The following DPPA3 variants were observed in gnomAD, a reference collection of about 807,000 sequenced individuals.
DPPA3 encodes the protein developmental pluripotency associated 3.
In DPPA3, 9 loss-of-function variants were observed where a neutral mutation model predicts 15.6. The observed-to-expected ratio is 0.58, with a 90% CI of 0.35 to 1.01. DPPA3 has a LOEUF of 1.01. DPPA3 is among the 50% of genes least tolerant of loss of function. DPPA3 has a pLI of 0.02. For synonymous variants in DPPA3, 61 were observed against 70.9 expected, an observed-to-expected ratio of 0.86 and a Z score of 0.70; for missense variants, 148 against 194.6, an observed-to-expected ratio of 0.76 and a Z score of 1.42.
intron 1 of DPPA3, 58 bp from the exon 2 acceptor site, chr12:7,715,125 T>C (rs1864383211): frequency 1.9e-6 from 3 of 1,609,890 alleles, no homozygotes; most frequent in Admixed American, 3.3e-5. Context: ...GCAGACCTAG[T>C]TGATGTGTGA....
At position 7,712,941 on chromosome 12, in the gene DPPA3, G is replaced by A. The variant is rs112789787; in HGVS notation, c.82+1289G>A. On this transcript the variant is annotated intron_variant, in intron 1 of 3. Transcript: ENST00000345088. The stretch of plus-strand genomic sequence containing the variant: ...AATAAACAGACTAACAGCTTCACTG[G>A]GAAAATGGAAGGGAGAGGCCGTAAA... Among the ~76,000 whole-genome samples, 513 of 152,256 alleles carry A rather than the reference G, an allele frequency of 3.4e-3. 3 individuals carry two copies. Among genetic ancestry groups the A allele is most frequent in the African/African-American group, 0.012 (478 of 41,552 alleles).
At chr12:7,716,058 G>A in intron 2 of DPPA3, 140 bp from the exon 3 acceptor site, 2 of 721,014 alleles carry the variant, frequency 2.8e-6, no homozygotes, top group East Asian at 2.8e-5. Flanking sequence ...AGCCATGATT[G>A]CTCCACTGCA....
chr12:7,713,875 G>A (rs1462721064), intron 1 of DPPA3, among the ~76,000 whole-genome samples: 1 of 152,228 alleles, frequency 6.6e-6, no homozygotes, highest in East Asian at 1.9e-4. Context: ...TCAGGGCAGC[G>A]TGTGGGACAC....
chr12:7,714,804 C>T (rs1864380309), intron 1 of DPPA3, among the ~76,000 whole-genome samples: 1 of 152,092 alleles, frequency 6.6e-6, no homozygotes, highest in Non-Finnish European at 1.5e-5. Flanking sequence ...GCTCCACCTC[C>T]TGGGTTCACA....
intron 3 of DPPA3, among the ~76,000 whole-genome samples, chr12:7,716,646 A>G (rs1278394200): frequency 2.0e-5 from 3 of 152,188 alleles, no homozygotes; most frequent in Non-Finnish European, 4.4e-5. Context: ...AGCACTGTAT[A>G]GTAAGAGGAC....
chr12:7,711,719 T>C, intron 1 of DPPA3, 67 bp downstream of exon 1: 1 of 300,228 alleles, frequency 3.3e-6, no homozygotes, highest in South Asian at 5.8e-5. Flanking sequence ...AAGGCTGCCG[T>C]CTTTTTTTTT....
chr12:7,714,910 T>G (rs1190683945), intron 1 of DPPA3, among the ~76,000 whole-genome samples: 1 of 152,004 alleles, frequency 6.6e-6, no homozygotes, highest in African/African-American at 2.4e-5. Context: ...AGAGGGGGTT[T>G]CACCGTATTA....
chr12:7,711,433 G>T lies in DPPA3; in HGVS notation c.-138G>T. 1.6e-6 allele frequency: 1 copy of T among 644,176 alleles called. No homozygotes were observed. The highest frequency in any genetic ancestry group is 3.3e-5 in the Admixed American group (1 of 30,170). The allele number at this position is 644,176 out of a possible 1,614,324, so 39.9% of individuals were successfully genotyped here. The stretch of plus-strand genomic sequence containing the variant: ...AAAGGAAGCCGGACCTATAGTTTAC[G>T]TCAGTTCTTTGACCATTCGTTGGAG... On this transcript the variant is annotated 5_prime_UTR_variant, in exon 1 of 4. Coordinates refer to ENST00000345088, the MANE Select transcript of DPPA3 (RefSeq NM_199286.4).
At chr12:7,715,632 C>G (rs1035463369) in intron 2 of DPPA3, among the ~76,000 whole-genome samples, 1 of 151,914 alleles carries the variant, frequency 6.6e-6, no homozygotes, top group East Asian at 1.9e-4. Flanking sequence ...CCTGTCTCTA[C>G]TAAAAATACA....
In DPPA3 at chr12:7,711,472, C is replaced by A; in HGVS notation, c.-99C>A. On this transcript the variant is annotated 5_prime_UTR_variant, in exon 1 of 4. Coordinates refer to ENST00000345088, the MANE Select transcript of DPPA3 (RefSeq NM_199286.4). ...CATTCGTTGGAGCTCCGGTTTTCAG[C>A]CTCTTTCCGGGCTACCTGGTAGCAA... 1.8e-6 allele frequency: 2 copies of A among 1,105,632 alleles called. No homozygotes were observed. The highest frequency in any genetic ancestry group is 2.6e-6 in the Non-Finnish European group (2 of 781,554). The allele number at this position is 1,105,632 out of a possible 1,614,324, so 68.5% of individuals were successfully genotyped here.
At chr12:7,712,835 C>T (rs1864359479) in intron 1 of DPPA3, among the ~76,000 whole-genome samples, 1 of 152,194 alleles carries the variant, frequency 6.6e-6, no homozygotes, top group Non-Finnish European at 1.5e-5. Context: ...CATCCTCTTG[C>T]GTAGCTGGGA....
Position 7,711,534 on chromosome 12 carries a change from A to C in DPPA3, c.-37A>C. 1 of 1,584,884 alleles carries C rather than the reference A, an allele frequency of 6.3e-7. No homozygotes were observed. The highest frequency in any genetic ancestry group is 8.6e-7 in the Non-Finnish European group (1 of 1,166,288). On this transcript the variant is annotated 5_prime_UTR_variant, in exon 1 of 4. Transcript: ENST00000345088. ...GTCATCAGTTTCTGCTACGTTTCAA[A>C]GATCCTGGAGAAGCCTAGTGTTGTG...
At chr12:7,713,036 A>T (rs1463179054) in intron 1 of DPPA3, among the ~76,000 whole-genome samples, 2 of 152,210 alleles carry the variant, frequency 1.3e-5, no homozygotes, top group African/African-American at 4.8e-5. Context: ...CTGCTTGGGT[A>T]ATTCTGCTCC....
intron 3 of DPPA3, 67 bp downstream of exon 3, chr12:7,716,306 G>T (rs948653886): frequency 1.6e-6 from 2 of 1,245,128 alleles, no homozygotes; most frequent in African/African-American, 1.6e-5. Context: ...ATGGGTATCT[G>T]GTTTGTTTCC....
rs377017895 is a variant in DPPA3 at position 7,715,412 on chromosome 12, C to T, written c.312C>T (p.Leu104=). 11 of 1,613,898 alleles carry T rather than the reference C, an allele frequency of 6.8e-6. No individual in the cohort carries two copies. In the African/African-American group the frequency reaches 8.0e-5, roughly 12 times the overall value. Reference sequence around the variant, plus strand: ...TGGCAAGATTGAGATACATGTTACTCGGCGGAGTTCGTACGGTATGTTGAT... The same window carrying T: ...TGGCAAGATTGAGATACATGTTACTTGGCGGAGTTCGTACGGTATGTTGAT... ...EKMARLRYML[L]GGVRTHERRP... Residue 104 remains leucine (L), a synonymous_variant, in exon 2 of 4, where the codon CTC becomes CTT. Coordinates refer to ENST00000345088, the MANE Select transcript of DPPA3 (RefSeq NM_199286.4).
chr12:7,713,041 T>G (rs1204041287), intron 1 of DPPA3, among the ~76,000 whole-genome samples: 1 of 152,256 alleles, frequency 6.6e-6, no homozygotes, highest in Non-Finnish European at 1.5e-5. Flanking sequence ...TGGGTAATTC[T>G]GCTCCCTGAT....
Position 7,711,503 on chromosome 12 carries a change from G to A in DPPA3, c.-68G>A. 1 of 1,455,542 alleles carries A rather than the reference G, an allele frequency of 6.9e-7. No individual in the cohort carries two copies. Among genetic ancestry groups the A allele is most frequent in the Non-Finnish European group, 9.3e-7 (1 of 1,074,594 alleles). 90.2% of individuals were successfully genotyped at this position (1,455,542 alleles called of 1,614,324 possible). A position where few individuals can be genotyped will look rare whatever the true frequency, so the allele number is the denominator to read the frequency against. On this transcript the variant is annotated 5_prime_UTR_variant, in exon 1 of 4. Transcript: ENST00000345088. ...TCCGGGCTACCTGGTAGCAATTTGA[G>A]GCTCTGTCATCAGTTTCTGCTACGT...
At position 7,711,446 on chromosome 12, in the gene DPPA3, C is replaced by A; in HGVS notation, c.-125C>A. ...CCTATAGTTTACGTCAGTTCTTTGA[C>A]CATTCGTTGGAGCTCCGGTTTTCAG... On this transcript the variant is annotated 5_prime_UTR_variant, in exon 1 of 4. Transcript: ENST00000345088. 1 of 732,224 alleles carries A rather than the reference C, an allele frequency of 1.4e-6. No homozygotes were observed. Among genetic ancestry groups the A allele is most frequent in the Non-Finnish European group, 2.2e-6 (1 of 456,318 alleles). 45.4% of individuals were successfully genotyped at this position (732,224 alleles called of 1,614,324 possible).
In DPPA3 at chr12:7,715,291, A is replaced by G. The variant is rs757960183; in HGVS notation, c.191A>G (p.Glu64Gly). 2.5e-6 allele frequency: 4 copies of G among 1,613,792 alleles called. No individual in the cohort carries two copies. The highest frequency in any genetic ancestry group is 2.2e-5 in the East Asian group (1 of 44,886). ...SPLSEALLRR[E>G]SVGAAVLREI... Reference sequence around the variant, plus strand: ...CTATCGGAAGCTTTACTCCGTCGAGAGTCTGTAGGAGCAGCAGTCCTCAGG... The same window carrying G: ...CTATCGGAAGCTTTACTCCGTCGAGGGTCTGTAGGAGCAGCAGTCCTCAGG... The change falls in exon 2 of 4, where the codon GAG becomes GGG. Residue 64 changes from glutamate to glycine, a missense_variant. Transcript: ENST00000345088.
Sources: gnomAD v4.1 joint callset for allele counts (sites outside exome capture counted in the v4.1 genomes callset) on GRCh38, gnomAD v4.1.1 for gene constraint, MANE v1.5 for transcripts, NCBI Gene and HGNC (gene_info 2026-07-23, HGNC 2026-07-21) for gene names.